Variants in NKAIN3 observed in about 807,000 individuals in gnomAD.
NKAIN3 encodes the protein sodium/potassium transporting ATPase interacting 3, also known as sodium/potassium-transporting ATPase subunit beta-1-interacting protein 3.
A neutral mutation model predicts 30.2 loss-of-function variants in NKAIN3; 25 were observed. The ratio of observed to expected loss-of-function variants is 0.83; its 90% confidence interval spans 0.60 to 1.16. NKAIN3 has a LOEUF of 1.16. NKAIN3 is among the 50% of genes most tolerant of loss of function. The pLI, the probability that NKAIN3 is intolerant of heterozygous loss-of-function variation, is 0.00. For synonymous variants in NKAIN3, 91 were observed against 89.6 expected, an observed-to-expected ratio of 1.02 and a Z score of -0.09; for missense variants, 225 against 254.1, an observed-to-expected ratio of 0.89 and a Z score of 0.78.
intron 1 of NKAIN3, among the ~76,000 whole-genome samples, chr8:62,409,270 C>T (rs1211204558): frequency 6.6e-6 from 1 of 152,154 alleles, no homozygotes; most frequent in African/African-American, 2.4e-5. Flanking sequence ...CTGCAACATC[C>T]ACCTCCCAGG....
intron 4 of NKAIN3, among the ~76,000 whole-genome samples, chr8:62,795,805 C>T (rs1817842920): frequency 6.6e-6 from 1 of 152,084 alleles, no homozygotes; most frequent in Admixed American, 6.5e-5. Context: ...ATTGTATGAA[C>T]TCACTTTAAC....
Position 62,248,932 on chromosome 8 carries a change from C to T in NKAIN3, c.-142C>T, listed in dbSNP as rs566919768. 1.7e-5 allele frequency: 12 copies of T among 693,148 alleles called. No homozygotes were observed. The highest frequency in any genetic ancestry group is 1.1e-4 in the Admixed American group (3 of 26,804). 42.9% of individuals were successfully genotyped at this position (693,148 alleles called of 1,614,324 possible). Reference sequence around the variant, plus strand: ...AACTAACAAAGGCGGGCGCGAGCCCCGAGCCCTGGAGCCGCGAGCGGCGGC... The same window carrying T: ...AACTAACAAAGGCGGGCGCGAGCCCTGAGCCCTGGAGCCGCGAGCGGCGGC... On this transcript the variant is annotated 5_prime_UTR_variant, in exon 1 of 7. Coordinates refer to ENST00000623646, the MANE Select transcript of NKAIN3 (RefSeq NM_001304533.3).
chr8:62,576,680 A>T (rs1810119708), intron 1 of NKAIN3, among the ~76,000 whole-genome samples: 1 of 152,122 alleles, frequency 6.6e-6, no homozygotes, highest in Non-Finnish European at 1.5e-5. Flanking sequence ...AAATATTCCC[A>T]TCATGGCAGA....
Position 62,650,575 on chromosome 8 carries a change from T to A in NKAIN3, c.273+60781T>A, listed in dbSNP as rs551062718. 5.3e-5 allele frequency among the ~76,000 whole-genome samples: 8 copies of A among 152,254 alleles called. No individual in the cohort carries two copies. In the East Asian group the frequency reaches 1.5e-3, roughly 29 times the overall value. On this transcript the variant is annotated intron_variant, in intron 3 of 6. Coordinates refer to ENST00000623646, the MANE Select transcript of NKAIN3 (RefSeq NM_001304533.3). ...GTACATTCTTTGAGGATGAGATGGG[T>A]TTTAGTGGATCTCATTTCATAAGTA...
chr8:62,277,613 C>T (rs1272457451), intron 1 of NKAIN3, among the ~76,000 whole-genome samples: 3 of 152,072 alleles, frequency 2.0e-5, no homozygotes, highest in Admixed American at 2.0e-4. Flanking sequence ...TAAAGTAATT[C>T]ACTTAAGCTA....
intron 1 of NKAIN3, among the ~76,000 whole-genome samples, chr8:62,471,917 C>G (rs867186804): frequency 5.9e-5 from 9 of 152,000 alleles, no homozygotes; most frequent in African/African-American, 2.2e-4. Context: ...TTAGTGCACT[C>G]CAGCTTGCTC....
intron 1 of NKAIN3, among the ~76,000 whole-genome samples, chr8:62,571,232 T>C (rs546066591): frequency 3.2e-4 from 48 of 151,718 alleles, no homozygotes; most frequent in African/African-American, 1.0e-3. Flanking sequence ...GCCTCCCAGG[T>C]TTAAGTGATT....
intron 3 of NKAIN3, among the ~76,000 whole-genome samples, chr8:62,740,828 A>T (rs1372479596): frequency 6.6e-6 from 1 of 152,130 alleles, no homozygotes; most frequent in Non-Finnish European, 1.5e-5. Context: ...GAAATGAAAG[A>T]GCTCAAACAT....
chr8:62,583,005 A>G (rs1360713555), intron 2 of NKAIN3, among the ~76,000 whole-genome samples: 1 of 152,120 alleles, frequency 6.6e-6, no homozygotes, highest in Admixed American at 6.5e-5. Context: ...ATATTTCCTC[A>G]GTCTCTCATG....
intron 3 of NKAIN3, among the ~76,000 whole-genome samples, chr8:62,732,528 A>C (rs1815505605): frequency 6.7e-6 from 1 of 150,012 alleles, no homozygotes; most frequent in Non-Finnish European, 1.5e-5. Context: ...TATATTTTCT[A>C]ATTTAGGGGC....
chr8:62,701,923 T>A (rs1026291847), intron 3 of NKAIN3, among the ~76,000 whole-genome samples: 1 of 152,110 alleles, frequency 6.6e-6, no homozygotes, highest in Non-Finnish European at 1.5e-5. Flanking sequence ...CCCCATATAC[T>A]CAGAATGCGC....
chr8:62,597,986 G>T (rs1006012488), intron 3 of NKAIN3, among the ~76,000 whole-genome samples: 1 of 151,992 alleles, frequency 6.6e-6, no homozygotes, highest in Non-Finnish European at 1.5e-5. Flanking sequence ...CAATCACAGA[G>T]GATGTGAACT....
At chr8:62,774,688 T>G (rs1361777575) in intron 4 of NKAIN3, among the ~76,000 whole-genome samples, 1 of 152,196 alleles carries the variant, frequency 6.6e-6, no homozygotes, top group Non-Finnish European at 1.5e-5. Flanking sequence ...CTTTATTCTG[T>G]TGACATGGTG....
At chr8:62,916,043 C>T (rs1822091097) in intron 4 of NKAIN3, among the ~76,000 whole-genome samples, 1 of 152,110 alleles carries the variant, frequency 6.6e-6, no homozygotes, top group Non-Finnish European at 1.5e-5. Context: ...GTGGAACTCT[C>T]CTATGGTATG....
In NKAIN3 at chr8:62,720,413, T is replaced by G. The variant is rs1815051291; in HGVS notation, c.274-26519T>G. On this transcript the variant is annotated intron_variant, in intron 3 of 6. Transcript: ENST00000623646. ...GCAGAATTCATGGTCATGAGTAAAA[T>G]AAATGCCCAAACAATACCATGAATT... Among the ~76,000 whole-genome samples the G allele has an allele frequency of 3.9e-5, 6 of 152,284 alleles. No homozygotes were observed. In the South Asian group the frequency reaches 1.2e-3, roughly 32 times the overall value.
intron 4 of NKAIN3, among the ~76,000 whole-genome samples, chr8:62,809,016 T>A (rs1274340144): frequency 1.3e-5 from 2 of 152,174 alleles, no homozygotes; most frequent in African/African-American, 4.8e-5. Flanking sequence ...CCCCTGGGAA[T>A]GCATTCTCTT....
At chr8:62,954,658 C>T (rs1174668892) in intron 6 of NKAIN3, among the ~76,000 whole-genome samples, 1 of 152,126 alleles carries the variant, frequency 6.6e-6, no homozygotes, top group Non-Finnish European at 1.5e-5. Flanking sequence ...AGGGTGACTC[C>T]ATTCCTAGAA....
At chr8:62,990,545 T>C (rs1824301307) in intron 5 of NKAIN3, 3 of 283,036 alleles carry the variant, frequency 1.1e-5, no homozygotes, top group Admixed American at 6.1e-5. Context: ...GAAATCTGAT[T>C]TTACTTTTTG....
At chr8:62,332,936 G>A (rs1475793067) in intron 1 of NKAIN3, among the ~76,000 whole-genome samples, 1 of 152,116 alleles carries the variant, frequency 6.6e-6, no homozygotes, top group Non-Finnish European at 1.5e-5. Context: ...TGAGGTTGCG[G>A]CGACAGTGAG....
Sources: allele counts gnomAD v4.1 joint callset (sites outside exome capture counted in the v4.1 genomes callset), GRCh38; gene constraint gnomAD v4.1.1; transcripts MANE v1.5; gene names NCBI Gene and HGNC (gene_info 2026-07-23, HGNC 2026-07-21).